The following TRPM3 variants were observed in gnomAD, a reference collection of about 807,000 sequenced individuals.
The protein encoded by TRPM3 is transient receptor potential cation channel subfamily M member 3, also known as long transient receptor potential channel 3.
In TRPM3, 77 loss-of-function variants were observed where a neutral mutation model predicts 181.2. That is an observed-to-expected ratio of 0.42 (90% CI 0.35 to 0.51). The LOEUF is 0.51. TRPM3 is among the 20% of genes least tolerant of loss of function. The probability of loss-of-function intolerance (pLI) is 0.01; values close to 1 mark genes in which losing one functional copy is unlikely to be tolerated. For synonymous variants in TRPM3, 745 were observed against 796.4 expected (o/e 0.94, Z 1.09); for missense variants, 1,759 against 2,196.7 (o/e 0.80, Z 3.98).
chr9:70,540,841 G>A (rs911753685), intron 25 of TRPM3, among the ~76,000 whole-genome samples: 1 of 152,192 alleles, frequency 6.6e-6, no homozygotes, highest in Non-Finnish European at 1.5e-5. Context: ...CTCCACTGTA[G>A]CCTCCTGAGT....
chr9:71,326,424 TTGTATGTA>T (rs902922349), intron 1 of TRPM3, among the ~76,000 whole-genome samples: 69 of 152,296 alleles, frequency 4.5e-4, no homozygotes, highest in South Asian at 2.9e-3. Context: ...GCATGTATGT[TTGTATGTA>T]TGTATGTATT....
chr9:71,124,406 A>G (rs780625614), upstream of TRPM3, among the ~76,000 whole-genome samples: 3 of 152,144 alleles, frequency 2.0e-5, no homozygotes, highest in Non-Finnish European at 4.4e-5. Flanking sequence ...GTAGATGTCT[A>G]CATATCTGCA....
intron 1 of TRPM3, among the ~76,000 whole-genome samples, chr9:71,364,440 G>A (rs187951040): frequency 4.6e-5 from 7 of 152,212 alleles, no homozygotes; most frequent in Non-Finnish European, 1.0e-4. Flanking sequence ...TGCATGTGGT[G>A]GGCAGATTAC....
intron 6 of TRPM3, chr9:70,827,007 T>C (rs2093595797): frequency 6.6e-6 from 1 of 152,240 alleles, no homozygotes; most frequent in South Asian, 2.1e-4. Flanking sequence ...TTAAAACAAA[T>C]GTTTACACAA....
At chr9:71,290,321 A>T (rs1401500935) in intron 1 of TRPM3, among the ~76,000 whole-genome samples, 3 of 152,160 alleles carry the variant, frequency 2.0e-5, no homozygotes, top group Non-Finnish European at 4.4e-5. Flanking sequence ...ATACCAAAAA[A>T]AGAAAGATAT....
At position 71,197,697 on chromosome 9, in the gene TRPM3, C is replaced by T. The variant is rs551304157; in HGVS notation, c.183+248956G>A. ...TTGAGAAGTGTCTGTTCATTTCCTT[C>T]GCCCACTTTTTGATGGGGTTGTTTG... is the stretch of plus-strand genomic sequence containing the variant. On this transcript the variant is annotated intron_variant, in intron 1 of 24. Transcript: ENST00000357533. 3.6e-4 allele frequency among the ~76,000 whole-genome samples: 55 copies of T among 151,914 alleles called. 1 individual carries two copies. Among genetic ancestry groups the T allele is most frequent in the Middle Eastern group, 3.4e-3 (1 of 294 alleles).
chr9:70,565,558 G>A (rs570306807), intron 22 of TRPM3, among the ~76,000 whole-genome samples: 1 of 151,522 alleles, frequency 6.6e-6, no homozygotes, highest in Admixed American at 6.6e-5. Flanking sequence ...CTCCCAAAGT[G>A]CTGGGATTAC....
chr9:70,552,681 C>A (rs10283892), intron 24 of TRPM3, among the ~76,000 whole-genome samples, 163 bp downstream of exon 24: 85,902 of 151,948 alleles, frequency 0.57, 24,521 homozygotes, highest in East Asian at 0.73. Context: ...ATTTCTCATT[C>A]AAGTCAACTC....
chr9:70,790,703 G>C (rs917341906), intron 6 of TRPM3, among the ~76,000 whole-genome samples: 1 of 152,032 alleles, frequency 6.6e-6, no homozygotes, highest in Admixed American at 6.6e-5. Flanking sequence ...TCTCTTCTGT[G>C]GTCTGGAAAG....
chr9:71,037,066 A>T (rs749470934), intron 1 of TRPM3, among the ~76,000 whole-genome samples: 1 of 152,340 alleles, frequency 6.6e-6, no homozygotes, highest in East Asian at 1.9e-4. Context: ...AGTAAAAGTA[A>T]CAGTAGCAAA....
chr9:71,205,725 C>T (rs1026817218), intron 1 of TRPM3, among the ~76,000 whole-genome samples: 6 of 152,174 alleles, frequency 3.9e-5, no homozygotes, highest in African/African-American at 1.4e-4. Context: ...ACTCATTCTT[C>T]CCACATTTAC....
chr9:71,050,515 T>C (rs1253131064), intron 1 of TRPM3, among the ~76,000 whole-genome samples: 1 of 152,230 alleles, frequency 6.6e-6, no homozygotes, highest in Non-Finnish European at 1.5e-5. Flanking sequence ...ATTACTGAAC[T>C]ATATTTCATA....
intron 1 of TRPM3, among the ~76,000 whole-genome samples, chr9:71,181,748 G>A (rs111881310): frequency 2.0e-5 from 3 of 152,088 alleles, no homozygotes; most frequent in Admixed American, 6.6e-5. Flanking sequence ...GTTATCTGCC[G>A]TACACACTCA....
chr9:70,972,835 T>C (rs992414688), intron 1 of TRPM3, among the ~76,000 whole-genome samples: 10 of 152,230 alleles, frequency 6.6e-5, no homozygotes, highest in African/African-American at 2.2e-4. Flanking sequence ...GATCCACCAA[T>C]ATTTATTATT....
intron 1 of TRPM3, among the ~76,000 whole-genome samples, chr9:71,031,231 A>G (rs2134666353): frequency 6.6e-6 from 1 of 152,350 alleles, no homozygotes; most frequent in South Asian, 2.1e-4. Context: ...TTGAATGCCA[A>G]ACAAATTATT....
At chr9:70,797,585 C>T (rs2087504027) in intron 6 of TRPM3, among the ~76,000 whole-genome samples, 1 of 152,224 alleles carries the variant, frequency 6.6e-6, no homozygotes, top group South Asian at 2.1e-4. Context: ...CACCATCTTC[C>T]ATGCAGGATG....
intron 1 of TRPM3, among the ~76,000 whole-genome samples, chr9:71,014,481 A>G (rs1476293202): frequency 2.0e-5 from 3 of 151,970 alleles, no homozygotes; most frequent in South Asian, 2.1e-4. Context: ...ATCTCCTGTC[A>G]TTCATATTTC....
rs1365158422 is a variant in TRPM3, at chr9:71,383,961, C to G, written c.183+62692G>C. Among the ~76,000 whole-genome samples the G allele has an allele frequency of 3.3e-5, 5 of 152,096 alleles. No homozygotes were observed. The East Asian group carries it at 9.6e-4, about 29-fold the overall frequency. On this transcript the variant is annotated intron_variant, in intron 1 of 24. Coordinates refer to the TRPM3 transcript ENST00000357533. Reference sequence around the variant, plus strand: ...TAAGTTAGAGTTTTTTGAAACACACCAACAAGAAAAATTCATCAAAAGCTG... The same window carrying G: ...TAAGTTAGAGTTTTTTGAAACACACGAACAAGAAAAATTCATCAAAAGCTG...
At chr9:70,914,603 A>G (rs1322884677) in intron 1 of TRPM3, among the ~76,000 whole-genome samples, 1 of 152,200 alleles carries the variant, frequency 6.6e-6, no homozygotes, top group Non-Finnish European at 1.5e-5. Context: ...TTGAGCAAAC[A>G]TAGGAGACAG....
Sources: gnomAD v4.1 joint callset for allele counts (sites outside exome capture counted in the v4.1 genomes callset) on GRCh38, gnomAD v4.1.1 for gene constraint, MANE v1.5 for transcripts, NCBI Gene and HGNC (gene_info 2026-07-23, HGNC 2026-07-21) for gene names.